The following ARPP21 variants were observed in gnomAD, a reference collection of about 807,000 sequenced individuals.
ARPP21 encodes the protein cAMP regulated phosphoprotein 21, also known as cAMP-regulated phosphoprotein 21.
ARPP21 carries 69 observed loss-of-function variants against 113.2 expected under a neutral mutation model. That is an observed-to-expected ratio of 0.61 (90% confidence interval 0.50 to 0.74). ARPP21 has a LOEUF of 0.74. Among genes scored for constraint, ARPP21 ranks in the 30% least tolerant of loss-of-function variants. The pLI, the probability that ARPP21 is intolerant of heterozygous loss-of-function variation, is 0.00. For missense variants in ARPP21, 1,070 were observed against 1,037.4 expected, an observed-to-expected ratio of 1.03 and a Z score of -0.43; for synonymous variants, 368 against 375.5, an observed-to-expected ratio of 0.98 and a Z score of 0.23.
At chr3:35,752,191 C>G (rs903102982) in intron 19 of ARPP21, among the ~76,000 whole-genome samples, 2 of 151,668 alleles carry the variant, frequency 1.3e-5, no homozygotes, top group Non-Finnish European at 2.9e-5. Context: ...GAAACCAGGT[C>G]AGGGAATGTA....
chr3:35,793,887 C>T lies in ARPP21; in HGVS notation c.2473C>T (p.Pro825Ser), dbSNP rs2096795208. Residue 825 changes from proline (P) to serine (S), a missense_variant, in exon 21 of 21, where the codon CCA (proline) becomes TCA (serine). Transcript: ENST00000684406. ...IGPHCPSSTVPVMSASCRTNC... is the reference protein window; with the variant it reads ...IGPHCPSSTVSVMSASCRTNC... Reference sequence around the variant, plus strand: ...CCCACACTGCCCCTCCAGCACTGTCCCAGTGATGTCAGCTAGCTGCAGAAC... The same window carrying T: ...CCCACACTGCCCCTCCAGCACTGTCTCAGTGATGTCAGCTAGCTGCAGAAC... 1.2e-6 allele frequency: 2 copies of T among 1,613,958 alleles called. No homozygotes were observed. Among genetic ancestry groups the T allele is most frequent in the African/African-American group, 1.3e-5 (1 of 75,026 alleles).
intron 1 of ARPP21, among the ~76,000 whole-genome samples, chr3:35,642,952 T>C (rs1698687075): frequency 1.3e-5 from 2 of 152,098 alleles, no homozygotes; most frequent in African/African-American, 4.8e-5. Context: ...ATTTTAAAAA[T>C]ATAAGTAGCA....
At chr3:35,681,419 G>T in intron 2 of ARPP21, 1 of 212,774 alleles carries the variant, frequency 4.7e-6, no homozygotes, top group East Asian at 1.0e-4. Context: ...CTACTCTGTA[G>T]TGGAGAATGG....
chr3:35,665,509 G>T (rs572137993), intron 1 of ARPP21, among the ~76,000 whole-genome samples: 1 of 152,138 alleles, frequency 6.6e-6, no homozygotes, highest in South Asian at 2.1e-4. Context: ...CATGTATCTA[G>T]TTCTACATTG....
chr3:35,697,811 C>G (rs934320017), intron 9 of ARPP21, among the ~76,000 whole-genome samples: 1 of 151,572 alleles, frequency 6.6e-6, no homozygotes, highest in African/African-American at 2.4e-5. Context: ...CAAAATAAAG[C>G]AAAATATGCT....
chr3:35,729,681 A>G, intron 15 of ARPP21, 145 bp downstream of exon 15: 1 of 660,220 alleles, frequency 1.5e-6, no homozygotes. Flanking sequence ...ATTTTTGTTT[A>G]GAAAGAGCAG....
chr3:35,729,160 G>C, intron 14 of ARPP21, 143 bp from the exon 15 acceptor site: 1 of 591,396 alleles, frequency 1.7e-6, no homozygotes, highest in Admixed American at 3.0e-5. Flanking sequence ...AAATATGAGA[G>C]GGGCATTAGT....
intron 1 of ARPP21, among the ~76,000 whole-genome samples, chr3:35,671,497 A>G (rs2076343080): frequency 6.6e-6 from 1 of 152,110 alleles, no homozygotes; most frequent in African/African-American, 2.4e-5. Context: ...CAGTGGTGTT[A>G]ATATGTAATT....
intron 1 of ARPP21, among the ~76,000 whole-genome samples, chr3:35,654,427 G>A (rs1268493629): frequency 1.3e-5 from 2 of 152,036 alleles, no homozygotes; most frequent in Non-Finnish European, 2.9e-5. Flanking sequence ...TCTGCCCCAT[G>A]GGGGAGAAGT....
At chr3:35,710,542 AAC>A (rs3086903) in intron 11 of ARPP21, among the ~76,000 whole-genome samples, 18,430 of 132,624 alleles carry the variant, frequency 0.14, 1,441 homozygotes, top group African/African-American at 0.26. Context: ...CTCTCTCTCA[AAC>A]ACACACACAC....
At chr3:35,735,255 G>C (rs2094271584) in intron 15 of ARPP21, among the ~76,000 whole-genome samples, 1 of 152,174 alleles carries the variant, frequency 6.6e-6, no homozygotes, top group African/African-American at 2.4e-5. Flanking sequence ...GGAACCACAG[G>C]TGTGCACCAC....
intron 11 of ARPP21, 151 bp from the exon 12 acceptor site, chr3:35,715,288 C>T (rs138280614): frequency 3.1e-6 from 2 of 644,550 alleles, no homozygotes; most frequent in Admixed American, 2.8e-5. Context: ...TCCTAACCAA[C>T]CTTTTTCCTT....
chr3:35,776,421 A>C, intron 19 of ARPP21, among the ~76,000 whole-genome samples: 1 of 152,164 alleles, frequency 6.6e-6, no homozygotes. Flanking sequence ...GCAGCTGGCC[A>C]GGGAAAGCAG....
At chr3:35,654,492 T>G (rs1378629668) in intron 1 of ARPP21, among the ~76,000 whole-genome samples, 1 of 152,132 alleles carries the variant, frequency 6.6e-6, no homozygotes, top group Non-Finnish European at 1.5e-5. Flanking sequence ...GAAATTATCC[T>G]TTCTAACTAA....
chr3:35,776,267 T>G (rs1012190418), intron 19 of ARPP21, among the ~76,000 whole-genome samples: 1 of 152,190 alleles, frequency 6.6e-6, no homozygotes, highest in Non-Finnish European at 1.5e-5. Flanking sequence ...AATCTTTTAG[T>G]GCACAAAAAA....
intron 19 of ARPP21, among the ~76,000 whole-genome samples, chr3:35,778,598 C>T (rs2096446191): frequency 6.6e-6 from 1 of 152,166 alleles, no homozygotes; most frequent in Non-Finnish European, 1.5e-5. Context: ...TTGTTGATCC[C>T]TCAACTTACC....
chr3:35,754,631 A>T (rs1332002282), intron 19 of ARPP21, among the ~76,000 whole-genome samples: 1 of 152,074 alleles, frequency 6.6e-6, no homozygotes, highest in Non-Finnish European at 1.5e-5. Context: ...ATTAAGAGAA[A>T]TAATAAGAAT....
intron 1 of ARPP21, among the ~76,000 whole-genome samples, chr3:35,670,247 C>A (rs1484823462): frequency 6.6e-6 from 1 of 152,068 alleles, no homozygotes; most frequent in Non-Finnish European, 1.5e-5. Flanking sequence ...GTCTTATTGT[C>A]AGGTTTGTGC....
At chr3:35,711,648 C>T (rs1273522947) in intron 11 of ARPP21, among the ~76,000 whole-genome samples, 1 of 152,166 alleles carries the variant, frequency 6.6e-6, no homozygotes, top group Non-Finnish European at 1.5e-5. Flanking sequence ...AAGCTGTCAA[C>T]TGGGGCTGCA....
Sources: allele counts gnomAD v4.1 joint callset (sites outside exome capture counted in the v4.1 genomes callset), GRCh38; gene constraint gnomAD v4.1.1; transcripts MANE v1.5; gene names NCBI Gene and HGNC (gene_info 2026-07-23, HGNC 2026-07-21).